RALYL: variants seen among roughly 807,000 people sequenced by gnomAD.
RALYL encodes the protein RALY RNA binding protein like.
A neutral mutation model predicts 35.1 loss-of-function variants in RALYL; 29 were observed. That is an observed-to-expected ratio of 0.83 (90% confidence interval 0.61 to 1.13). The LOEUF (loss-of-function observed/expected upper bound fraction) is 1.13. Among genes scored for constraint, RALYL ranks in the 50% most tolerant of loss-of-function variants. The probability of loss-of-function intolerance (pLI) is 0.00; values close to 1 mark genes in which losing one functional copy is unlikely to be tolerated. For synonymous variants in RALYL, 120 were observed against 127.6 expected, an observed-to-expected ratio of 0.94 and a Z score of 0.40; for missense variants, 359 against 360.4, an observed-to-expected ratio of 1.00 and a Z score of 0.03.
chr8:84,667,002 C>T (rs1319792469), intron 2 of RALYL, among the ~76,000 whole-genome samples: 1 of 152,000 alleles, frequency 6.6e-6, no homozygotes, highest in Non-Finnish European at 1.5e-5. Flanking sequence ...AGAAGTGCAA[C>T]ATTGTGAGGG....
chr8:84,798,473 A>G, intron 3 of RALYL, among the ~76,000 whole-genome samples: 1 of 152,138 alleles, frequency 6.6e-6, no homozygotes, highest in Non-Finnish European at 1.5e-5. Context: ...TATTATTTCC[A>G]TTTTGCAAAT....
intron 4 of RALYL, 57 bp downstream of exon 4, chr8:84,804,859 C>T: frequency 1.1e-6 from 1 of 897,108 alleles, no homozygotes; most frequent in Non-Finnish European, 1.5e-6. Context: ...TTTCCAAGAA[C>T]TTCTGAGATG....
At chr8:84,737,169 A>G (rs567174323) in intron 2 of RALYL, among the ~76,000 whole-genome samples, 2 of 152,182 alleles carry the variant, frequency 1.3e-5, no homozygotes, top group East Asian at 3.9e-4. Flanking sequence ...TGTGGTCTAA[A>G]TCACCACACT....
intron 1 of RALYL, among the ~76,000 whole-genome samples, chr8:84,245,425 A>C (rs1480365399): frequency 6.6e-6 from 1 of 152,152 alleles, no homozygotes; most frequent in African/African-American, 2.4e-5. Context: ...GATTGTAAAA[A>C]ATGTAGAGGA....
intron 2 of RALYL, among the ~76,000 whole-genome samples, chr8:84,645,389 AT>A (rs1254418867): frequency 6.6e-6 from 1 of 151,596 alleles, no homozygotes; most frequent in Non-Finnish European, 1.5e-5. Context: ...AGTAATCTTA[AT>A]TTTTCTGTTT....
At chr8:84,698,883 A>G (rs979041686) in intron 2 of RALYL, among the ~76,000 whole-genome samples, 3 of 152,152 alleles carry the variant, frequency 2.0e-5, no homozygotes, top group Non-Finnish European at 2.9e-5. Context: ...TGCTTGGTTA[A>G]GAATTTTCTC....
At chr8:84,402,463 A>T (rs544427542) in intron 1 of RALYL, among the ~76,000 whole-genome samples, 19 of 152,220 alleles carry the variant, frequency 1.2e-4, no homozygotes, top group African/African-American at 4.1e-4. Context: ...CAGCTTTCGG[A>T]GCTTCTCTTA....
intron 1 of RALYL, among the ~76,000 whole-genome samples, chr8:84,347,932 GTAGATAGTATTTA>G (rs1284827884): frequency 6.6e-6 from 1 of 152,082 alleles, no homozygotes; most frequent in East Asian, 1.9e-4. Context: ...CTCCCCAGTA[GTAGATAGTATTTA>G]TAGACAGAAA....
intron 2 of RALYL, among the ~76,000 whole-genome samples, chr8:84,715,013 G>A (rs1257555641): frequency 6.6e-6 from 1 of 151,882 alleles, no homozygotes; most frequent in African/African-American, 2.4e-5. Context: ...AGATTAACTA[G>A]ATGACTTTAT....
chr8:84,576,738 C>T (rs886092000), intron 2 of RALYL, among the ~76,000 whole-genome samples: 1 of 152,160 alleles, frequency 6.6e-6, no homozygotes, highest in African/African-American at 2.4e-5. Context: ...TTGCTGGAGA[C>T]AAAATCTGAC....
chr8:84,462,441 T>TA (rs139249087), intron 1 of RALYL, among the ~76,000 whole-genome samples: 10,197 of 143,418 alleles, frequency 0.071, 414 homozygotes, highest in Non-Finnish European at 0.093. Flanking sequence ...ACTCTCTTTG[T>TA]AAAAAAAAAA....
chr8:84,838,701 A>G (rs1832545565), intron 4 of RALYL, among the ~76,000 whole-genome samples: 1 of 152,262 alleles, frequency 6.6e-6, no homozygotes, highest in Admixed American at 6.5e-5. Flanking sequence ...ATTGAACAAA[A>G]AAAAGCAGGT....
At chr8:84,777,711 A>G (rs1293889846) in intron 3 of RALYL, among the ~76,000 whole-genome samples, 1 of 152,038 alleles carries the variant, frequency 6.6e-6, no homozygotes. Flanking sequence ...TCGTGATCTC[A>G]GCTCAGTGCA....
chr8:84,262,956 T>A, intron 1 of RALYL, among the ~76,000 whole-genome samples: 1 of 152,190 alleles, frequency 6.6e-6, no homozygotes, highest in East Asian at 1.9e-4. Flanking sequence ...GAAGTGTCTC[T>A]AGTTTTTTAA....
chr8:84,415,424 G>T (rs1376404765), intron 1 of RALYL, among the ~76,000 whole-genome samples: 1 of 152,022 alleles, frequency 6.6e-6, no homozygotes, highest in Admixed American at 6.6e-5. Flanking sequence ...ATCTTTAGTA[G>T]AGATGGGGTT....
In RALYL at chr8:84,920,999, A is replaced by G. The variant is rs1342207511; in HGVS notation, c.*88A>G. 9 of 679,214 alleles carry G rather than the reference A, an allele frequency of 1.3e-5. No individual in the cohort carries two copies. The highest frequency in any genetic ancestry group is 1.3e-4 in the East Asian group (4 of 30,908). The allele number at this position is 679,214 out of a possible 1,614,324, so 42.1% of individuals were successfully genotyped here. A position where few individuals can be genotyped will look rare whatever the true frequency, so the allele number is the denominator to read the frequency against. On this transcript the variant is annotated 3_prime_UTR_variant, in exon 9 of 9. Coordinates refer to ENST00000521268, the MANE Select transcript of RALYL (RefSeq NM_173848.7). ...GAAAGGAGGTTTCTTACTGGACAGC[A>G]GCATCTTTGGTTCAATTTATATAAA...
intron 1 of RALYL, among the ~76,000 whole-genome samples, chr8:84,223,387 A>G (rs1412701435): frequency 6.6e-6 from 1 of 152,184 alleles, no homozygotes; most frequent in African/African-American, 2.4e-5. Context: ...ACCTGGCATG[A>G]TATGTAAGTC....
At chr8:84,308,297 T>C (rs1216929682) in intron 1 of RALYL, among the ~76,000 whole-genome samples, 1 of 152,156 alleles carries the variant, frequency 6.6e-6, no homozygotes, top group African/African-American at 2.4e-5. Flanking sequence ...GTGAAGCACA[T>C]ACCAGAGTGA....
At chr8:84,547,275 G>A (rs182537674) in intron 2 of RALYL, among the ~76,000 whole-genome samples, 10 of 152,072 alleles carry the variant, frequency 6.6e-5, no homozygotes, top group Non-Finnish European at 5.9e-5. Context: ...GGTATTTAGC[G>A]TTATTTCTGG....
Sources: allele counts gnomAD v4.1 joint callset (sites outside exome capture counted in the v4.1 genomes callset), GRCh38; gene constraint gnomAD v4.1.1; transcripts MANE v1.5; gene names NCBI Gene and HGNC (gene_info 2026-07-23, HGNC 2026-07-21).